WWC1: variants seen among roughly 807,000 people sequenced by gnomAD.
WWC1 encodes protein KIBRA.
Under a neutral mutation model 138.4 loss-of-function variants are expected in WWC1, and 55 were observed. That is an observed-to-expected ratio of 0.40 (90% CI 0.32 to 0.50). The LOEUF (loss-of-function observed/expected upper bound fraction) is 0.50, where lower values mean the gene tolerates loss of function less well. Among genes scored for constraint, WWC1 ranks in the 20% least tolerant of loss-of-function variants. The pLI, the probability that WWC1 is intolerant of heterozygous loss-of-function variation, is 0.72. For missense variants in WWC1, 1,226 were observed against 1,420.4 expected (o/e 0.86, Z 2.20); for synonymous variants, 524 against 564.9 (o/e 0.93, Z 1.03).
chr5:168,450,645 A>G (rs1755713223), intron 17 of WWC1, among the ~76,000 whole-genome samples: 1 of 152,184 alleles, frequency 6.6e-6, no homozygotes, highest in Non-Finnish European at 1.5e-5. Flanking sequence ...CAGCCTGGGC[A>G]ACAGAGCGAG....
At chr5:168,462,468 A>G (rs572595263) in intron 20 of WWC1, among the ~76,000 whole-genome samples, 33 of 152,268 alleles carry the variant, frequency 2.2e-4, no homozygotes, top group South Asian at 4.1e-4. Flanking sequence ...ACTTCTGACC[A>G]TTTAATTCAG....
intron 1 of WWC1, among the ~76,000 whole-genome samples, chr5:168,348,096 A>G (rs1774627135): frequency 6.6e-6 from 1 of 152,196 alleles, no homozygotes. Flanking sequence ...GAGCTCCTTT[A>G]TTCCCGAGAT....
At chr5:168,352,730 C>G (rs889757425) in intron 1 of WWC1, among the ~76,000 whole-genome samples, 1 of 151,864 alleles carries the variant, frequency 6.6e-6, no homozygotes, top group Non-Finnish European at 1.5e-5. Flanking sequence ...ATTACAGATG[C>G]CCACGACCTT....
Position 168,467,906 on chromosome 5 carries a change from G to A in WWC1, c.3217G>A (p.Asp1073Asn), listed in dbSNP as rs1428746343. 2.5e-6 allele frequency: 4 copies of A among 1,614,252 alleles called. No individual in the cohort carries two copies. Among genetic ancestry groups the A allele is most frequent in the Non-Finnish European group, 3.4e-6 (4 of 1,180,042 alleles). The change falls in exon 22 of 23, where the codon GAT (aspartate) becomes AAT (asparagine). Residue 1073 changes from aspartate (D) to asparagine (N), a missense_variant. Physicochemically the swap from Asp to Asn is conservative, Grantham distance 23. Around this residue, in one of 3 missense-constraint regions of WWC1, gnomAD observed 206 missense variants for 247.4 expected, o/e 0.83. Transcript: ENST00000265293. ...CAAGATGATGAGGGCAGCTGCCAAG[G>A]ATGTGCACAGGCTCCGAGGCCAGAG... ...TDKMMRAAAK[D>N]VHRLRGQSCK...
chr5:168,422,069 G>T lies in WWC1; in HGVS notation c.1246G>T (p.Val416Leu). 1 of 1,613,082 alleles carries T rather than the reference G, an allele frequency of 6.2e-7. No individual in the cohort carries two copies. Among genetic ancestry groups the T allele is most frequent in the Non-Finnish European group, 8.5e-7 (1 of 1,179,398 alleles). The part of the protein sequence containing the change: ...VRELEEATRQ[V>L]ATLHSQLKSL... ...AGAACTGGAGGAAGCCACCCGGCAGGTGGCAACTCTGCACTCCCAGCTGAA... is the reference window on the plus strand; with the variant it reads ...AGAACTGGAGGAAGCCACCCGGCAGTTGGCAACTCTGCACTCCCAGCTGAA... The change falls in exon 10 of 23, where the codon GTG becomes TTG. Residue 416 changes from valine (V) to leucine (L), a missense_variant. Physicochemically the swap from Val to Leu is conservative, Grantham distance 32 (BLOSUM62 1). Coordinates refer to ENST00000265293, the MANE Select transcript of WWC1 (RefSeq NM_015238.3).
At chr5:168,371,192 G>A (rs181167917) in intron 1 of WWC1, among the ~76,000 whole-genome samples, 221 of 152,306 alleles carry the variant, frequency 1.5e-3, no homozygotes, top group African/African-American at 5.1e-3. Context: ...GGCAAAGTTG[G>A]GACCAGAACA....
rs796347858 is a variant in WWC1 at position 168,326,216 on chromosome 5, CTTTTTTTTTTTT to C, written c.119+33952_119+33963del. On this transcript the variant is annotated intron_variant, in intron 1 of 22. Coordinates refer to ENST00000265293, the MANE Select transcript of WWC1 (RefSeq NM_015238.3). ...TGGCTCAGGACACCGACCTGATAGT[CTTTTTTTTTTTT>C]TTTTTTGGGACGGAGTTTTGCTCTT... is the stretch of plus-strand genomic sequence containing the variant. Among the ~76,000 whole-genome samples, 1,001 of 113,286 alleles carry C rather than the reference CTTTTTTTTTTTT, an allele frequency of 8.8e-3. 15 individuals carry two copies. Among genetic ancestry groups the C allele is most frequent in the African/African-American group, 0.033 (956 of 29,162 alleles). 74.3% of individuals were successfully genotyped at this position (113,286 alleles called of 152,430 possible). A position where few individuals can be genotyped will look rare whatever the true frequency, so the allele number is the denominator to read the frequency against.
At chr5:168,321,201 C>A (rs1772051601) in intron 1 of WWC1, among the ~76,000 whole-genome samples, 3 of 152,168 alleles carry the variant, frequency 2.0e-5, no homozygotes, top group Admixed American at 6.5e-5. Context: ...ATTCCATGAG[C>A]ATCAGAAGGA....
chr5:168,424,698 G>A (rs1391538228), intron 11 of WWC1, among the ~76,000 whole-genome samples: 1 of 152,214 alleles, frequency 6.6e-6, no homozygotes, highest in African/African-American at 2.4e-5. Flanking sequence ...ATGAGTCAGA[G>A]GTAGGGGGTT....
intron 1 of WWC1, among the ~76,000 whole-genome samples, chr5:168,303,198 C>G (rs1194182355): frequency 6.6e-6 from 1 of 152,172 alleles, no homozygotes; most frequent in Non-Finnish European, 1.5e-5. Context: ...CACTGTCTAC[C>G]TGCATCACTG....
At chr5:168,375,550 C>G (rs778583392) in intron 2 of WWC1, among the ~76,000 whole-genome samples, 1 of 151,994 alleles carries the variant, frequency 6.6e-6, no homozygotes, top group African/African-American at 2.4e-5. Flanking sequence ...GCAGACAACT[C>G]TTTCTTTTTT....
intron 15 of WWC1, among the ~76,000 whole-genome samples, chr5:168,433,864 C>T (rs951069464): frequency 3.3e-5 from 5 of 152,222 alleles, no homozygotes; most frequent in African/African-American, 1.2e-4. Context: ...CTCACTCCAA[C>T]CTTGCAAAAT....
intron 3 of WWC1, among the ~76,000 whole-genome samples, chr5:168,396,103 G>T (rs1778879608): frequency 6.6e-6 from 1 of 152,148 alleles, no homozygotes; most frequent in Admixed American, 6.5e-5. Context: ...TCAGATGATA[G>T]CCAGGTGCGG....
At position 168,454,111 on chromosome 5, in the gene WWC1, C is replaced by T; in HGVS notation, c.2658+11C>T. 6.2e-7 allele frequency: 1 copy of T among 1,609,794 alleles called. No homozygotes were observed. The highest frequency in any genetic ancestry group is 1.3e-5 in the African/African-American group (1 of 74,554). On this transcript the variant is annotated intron_variant, in intron 18 of 22. Transcript: ENST00000265293. ...TACCCAGCATTAAAGGTAGGAAGGG[C>T]TGGGGGGATAGAAGGGCTGTCGTGG...
intron 1 of WWC1, among the ~76,000 whole-genome samples, chr5:168,359,609 A>G (rs1775734123): frequency 2.0e-5 from 3 of 152,158 alleles, no homozygotes; most frequent in South Asian, 2.1e-4. Flanking sequence ...CAATTAAACT[A>G]TGTCCCAATG....
At chr5:168,463,543 G>A (rs1008701485) in intron 20 of WWC1, among the ~76,000 whole-genome samples, 60 of 152,196 alleles carry the variant, frequency 3.9e-4, no homozygotes, top group South Asian at 2.1e-4. Flanking sequence ...TATACAGGGC[G>A]TGTATATTAG....
intron 8 of WWC1, chr5:168,411,934 T>C: frequency 7.2e-6 from 7 of 971,008 alleles, no homozygotes; most frequent in Non-Finnish European, 8.6e-6. Context: ...ATTGGAATAT[T>C]ATTAACAAAA....
At position 168,326,519 on chromosome 5, in the gene WWC1, G is replaced by A. The variant is rs185173834; in HGVS notation, c.119+34248G>A. Among the ~76,000 whole-genome samples, 516 of 141,538 alleles carry A rather than the reference G, an allele frequency of 3.6e-3. 3 individuals are homozygous for A. The highest frequency in any genetic ancestry group is 9.4e-3 in the Middle Eastern group (2 of 212). The allele number at this position is 141,538 out of a possible 152,430, so 92.9% of individuals were successfully genotyped here. ...GGCATGAGCCACCGTGCCCGGCCCC[G>A]ACTTGATAGTGTTATTTGTTGTTGT... On this transcript the variant is annotated intron_variant, in intron 1 of 22. Coordinates refer to ENST00000265293, the MANE Select transcript of WWC1 (RefSeq NM_015238.3).
At chr5:168,415,249 A>C (rs1269873759) in intron 9 of WWC1, 2 of 152,182 alleles carry the variant, frequency 1.3e-5, no homozygotes, top group Non-Finnish European at 2.9e-5. Flanking sequence ...TGCTCCAGCA[A>C]ATGGGAGTGC....
Sources: allele counts gnomAD v4.1 joint callset (sites outside exome capture counted in the v4.1 genomes callset), GRCh38; gene constraint gnomAD v4.1.1; regional missense constraint gnomAD v4.1.1; transcripts MANE v1.5; gene names NCBI Gene and HGNC (gene_info 2026-07-23, HGNC 2026-07-21).